SPDYA: variants seen among roughly 807,000 people sequenced by gnomAD.
The protein encoded by SPDYA is speedy/RINGO cell cycle regulator family member A.
In SPDYA, 11 loss-of-function variants were observed where a neutral mutation model predicts 36.7. The ratio of observed to expected loss-of-function variants is 0.30; its 90% CI spans 0.19 to 0.50. SPDYA has a LOEUF of 0.50. SPDYA is among the 20% of genes least tolerant of loss of function. SPDYA has a pLI of 0.98. For missense variants in SPDYA, 287 were observed against 370.9 expected, an observed-to-expected ratio of 0.77 and a Z score of 1.86; for synonymous variants, 115 against 118.7, an observed-to-expected ratio of 0.97 and a Z score of 0.20.
Position 28,815,987 on chromosome 2 carries a change from A to AT in SPDYA, c.-18-5dup. The AT allele has an allele frequency of 6.5e-7, 1 of 1,548,584 alleles. No individual in the cohort carries two copies. The highest frequency in any genetic ancestry group is 1.4e-5 in the African/African-American group (1 of 73,042). On this transcript the variant is annotated splice_polypyrimidine_tract_variant and intron_variant, in intron 2 of 7. Transcript: ENST00000334056. ...TGTGTGATGAATAATTGTATGTTTT[A>AT]TTTTTACAGGAATATTGGGAAACCA...
intron 6 of SPDYA, among the ~76,000 whole-genome samples, chr2:28,838,898 C>G (rs1180658015): frequency 6.6e-6 from 1 of 152,196 alleles, no homozygotes; most frequent in African/African-American, 2.4e-5. Context: ...AATCACTGCT[C>G]TAGGCAATTA....
intron 1 of SPDYA, among the ~76,000 whole-genome samples, chr2:28,814,153 C>A (rs940690418): frequency 3.3e-5 from 5 of 152,132 alleles, no homozygotes; most frequent in African/African-American, 9.7e-5. Context: ...AATATGGTAG[C>A]CACTGGCCAC....
chr2:28,812,407 C>G (rs944519160), intron 1 of SPDYA, among the ~76,000 whole-genome samples: 1 of 151,644 alleles, frequency 6.6e-6, no homozygotes, highest in Non-Finnish European at 1.5e-5. Flanking sequence ...CTTTATATCA[C>G]CCCCCAGAGA....
At chr2:28,826,949 CTTT>C (rs1309143694) in intron 5 of SPDYA, among the ~76,000 whole-genome samples, 2 of 113,800 alleles carry the variant, frequency 1.8e-5, no homozygotes, top group Non-Finnish European at 3.6e-5. Context: ...TCTTTTCTTT[CTTT>C]TTTTTTTTTT....
At chr2:28,829,767 C>T (rs1572504041) in intron 6 of SPDYA, among the ~76,000 whole-genome samples, 1 of 151,840 alleles carries the variant, frequency 6.6e-6, no homozygotes, top group South Asian at 2.1e-4. Context: ...CATGGTGAAA[C>T]CCGTCTCTAC....
chr2:28,819,704 A>G (rs1389877925), intron 4 of SPDYA, among the ~76,000 whole-genome samples: 3 of 150,120 alleles, frequency 2.0e-5, no homozygotes, highest in East Asian at 1.9e-4. Flanking sequence ...AGAAATCAAA[A>G]CAGGTGTGGC....
Position 28,850,244 on chromosome 2 carries a change from T to C in SPDYA, c.*303T>C, listed in dbSNP as rs1669013695. On this transcript the variant is annotated 3_prime_UTR_variant, in exon 8 of 8. Transcript: ENST00000334056. The stretch of plus-strand genomic sequence containing the variant: ...CCTTCCTCAACTTGACAAGAAAAGC[T>C]AATTTAAGAGAAGAAAAACATAAAG... 1 of 1,611,296 alleles carries C rather than the reference T, an allele frequency of 6.2e-7. No homozygotes were observed. The highest frequency in any genetic ancestry group is 1.8e-4 in the Middle Eastern group (1 of 5,630).
chr2:28,813,394 G>C (rs995640659), intron 1 of SPDYA, among the ~76,000 whole-genome samples: 13 of 151,960 alleles, frequency 8.6e-5, no homozygotes, highest in Non-Finnish European at 7.4e-5. Flanking sequence ...TTATCTTCTG[G>C]AATATGTGCC....
intron 6 of SPDYA, among the ~76,000 whole-genome samples, chr2:28,838,877 A>C (rs114920752): frequency 7.7e-4 from 117 of 152,256 alleles, no homozygotes; most frequent in Middle Eastern, 3.4e-3. Flanking sequence ...GGACTTTCTA[A>C]ATGTTTTGAA....
At chr2:28,815,265 G>C (rs572134685) in intron 2 of SPDYA, among the ~76,000 whole-genome samples, 20 of 149,110 alleles carry the variant, frequency 1.3e-4, no homozygotes, top group Non-Finnish European at 2.8e-4. Flanking sequence ...CTGGGTGACA[G>C]AGCAAGACCC....
At chr2:28,820,266 G>A (rs953344613) in intron 4 of SPDYA, among the ~76,000 whole-genome samples, 1 of 151,970 alleles carries the variant, frequency 6.6e-6, no homozygotes, top group Non-Finnish European at 1.5e-5. Flanking sequence ...TGGGAGCAGC[G>A]ATGTTTCTAT....
chr2:28,842,036 C>G (rs570622515), intron 7 of SPDYA: 8 of 152,124 alleles, frequency 5.3e-5, no homozygotes, highest in African/African-American at 1.9e-4. Context: ...AATACTATAC[C>G]TCCACTCAGC....
intron 4 of SPDYA, among the ~76,000 whole-genome samples, chr2:28,820,193 A>G (rs1668121992): frequency 6.6e-6 from 1 of 152,118 alleles, no homozygotes. Flanking sequence ...TTTGTAGGGT[A>G]AAATTAGTTT....
chr2:28,817,526 A>G (rs1429813309), intron 3 of SPDYA, among the ~76,000 whole-genome samples: 1 of 150,138 alleles, frequency 6.7e-6, no homozygotes, highest in Non-Finnish European at 1.5e-5. Flanking sequence ...GCACCATTGC[A>G]CTCCAGCCTG....
intron 4 of SPDYA, among the ~76,000 whole-genome samples, chr2:28,820,540 C>T (rs941590428): frequency 1.8e-4 from 27 of 151,450 alleles, no homozygotes; most frequent in African/African-American, 5.8e-4. Context: ...GAGCCGAGAC[C>T]GAGCCACTGC....
At chr2:28,832,284 A>G (rs945197244) in intron 6 of SPDYA, among the ~76,000 whole-genome samples, 3 of 152,308 alleles carry the variant, frequency 2.0e-5, no homozygotes, top group South Asian at 4.1e-4. Context: ...AGCATTTGAC[A>G]CTATCCCTCA....
At chr2:28,826,949 C>CTT (rs1309143694) in intron 5 of SPDYA, among the ~76,000 whole-genome samples, 9,594 of 113,732 alleles carry the variant, frequency 0.084, 562 homozygotes, top group East Asian at 0.14. Flanking sequence ...TCTTTTCTTT[C>CTT]TTTTTTTTTT....
intron 7 of SPDYA, among the ~76,000 whole-genome samples, chr2:28,847,080 T>C (rs1668896373): frequency 6.6e-6 from 1 of 152,246 alleles, no homozygotes; most frequent in Non-Finnish European, 1.5e-5. Context: ...CAGTGGCTCA[T>C]TCCTGTAATC....
chr2:28,840,118 T>G (rs201795226), intron 6 of SPDYA, 54 bp from the exon 7 acceptor site: 2 of 1,507,544 alleles, frequency 1.3e-6, no homozygotes, highest in Non-Finnish European at 1.8e-6. Flanking sequence ...TGAACTCAAT[T>G]TTAGTAAATT....
Sources: gnomAD v4.1 joint callset for allele counts (sites outside exome capture counted in the v4.1 genomes callset) on GRCh38, gnomAD v4.1.1 for gene constraint, MANE v1.5 for transcripts, NCBI Gene and HGNC (gene_info 2026-07-23, HGNC 2026-07-21) for gene names.